The following CDYL variants were observed in gnomAD, a reference collection of about 807,000 sequenced individuals.
CDYL encodes chromodomain Y like, also known as chromodomain Y-like protein.
In CDYL, 8 loss-of-function variants were observed where a neutral mutation model predicts 47.3. That is an observed-to-expected ratio of 0.17 (90% CI 0.10 to 0.31). The LOEUF is 0.31. Ranked by LOEUF, CDYL falls within the 10% of genes least tolerant of loss-of-function variation. The pLI, the probability that CDYL is intolerant of heterozygous loss-of-function variation, is 1.00. For synonymous variants in CDYL, 266 were observed against 265.0 expected (o/e 1.00, Z -0.04); for missense variants, 471 against 701.4 (o/e 0.67, Z 3.71).
At chr6:4,800,164 A>G (rs1283136690) in intron 1 of CDYL, among the ~76,000 whole-genome samples, 4 of 152,122 alleles carry the variant, frequency 2.6e-5, no homozygotes, top group African/African-American at 9.7e-5. Context: ...AATTATTAAT[A>G]TGGTTATATT....
chr6:4,715,639 T>A, intron 1 of CDYL: 1 of 1,170,462 alleles, frequency 8.5e-7, no homozygotes, highest in Admixed American at 3.0e-5. Context: ...TGGCTCACTC[T>A]CAGATTCAAT....
intron 5 of CDYL, 49 bp downstream of exon 5, chr6:4,943,805 C>A: frequency 7.3e-7 from 1 of 1,362,670 alleles, no homozygotes; most frequent in Non-Finnish European, 1.0e-6. Context: ...TAGAAAGCTT[C>A]CTGAAGAAAT....
chr6:4,883,079 C>T (rs988835432), intron 1 of CDYL, among the ~76,000 whole-genome samples: 1 of 152,174 alleles, frequency 6.6e-6, no homozygotes, highest in Non-Finnish European at 1.5e-5. Context: ...GTCCCTCTTG[C>T]ATCTGGCCCT....
At chr6:4,864,280 A>T (rs1238079234) in intron 1 of CDYL, among the ~76,000 whole-genome samples, 1 of 152,220 alleles carries the variant, frequency 6.6e-6, no homozygotes, top group African/African-American at 2.4e-5. Context: ...GAACTCAGAA[A>T]GGCATAAGAT....
intron 1 of CDYL, among the ~76,000 whole-genome samples, chr6:4,830,098 G>A (rs985486120): frequency 6.6e-6 from 1 of 152,180 alleles, no homozygotes; most frequent in East Asian, 1.9e-4. Context: ...GCCCCTGTCT[G>A]TACATCTGAA....
intron 1 of CDYL, among the ~76,000 whole-genome samples, chr6:4,869,343 G>A (rs562149385): frequency 3.9e-5 from 6 of 152,190 alleles, no homozygotes; most frequent in East Asian, 1.9e-4. Context: ...TGATCCACTC[G>A]CCTTGGCCTC....
chr6:4,819,116 TTCTC>T (rs373718294), intron 1 of CDYL, among the ~76,000 whole-genome samples: 2,527 of 76,630 alleles, frequency 0.033, 61 homozygotes, highest in South Asian at 0.096. Flanking sequence ...TTTAGGTTCG[TTCTC>T]TCTCTCTCTC....
chr6:4,895,041 C>T (rs1762177890), intron 2 of CDYL, among the ~76,000 whole-genome samples: 1 of 148,948 alleles, frequency 6.7e-6, no homozygotes, highest in African/African-American at 2.5e-5. Flanking sequence ...ATATATGTAT[C>T]TATATACACA....
chr6:4,819,162 C>CTCTGTGTGTGTGTG (rs1016051589), intron 1 of CDYL, among the ~76,000 whole-genome samples: 2 of 111,944 alleles, frequency 1.8e-5, no homozygotes, highest in African/African-American at 9.7e-5. Context: ...CTCTCTCTCT[C>CTCTGTGTGTGTGTG]TGTGTGTGTG....
chr6:4,796,543 G>A (rs1194033949), intron 1 of CDYL, among the ~76,000 whole-genome samples: 2 of 152,006 alleles, frequency 1.3e-5, no homozygotes, highest in Non-Finnish European at 2.9e-5. Flanking sequence ...TTATAGGTTT[G>A]CCAATAAATA....
intron 1 of CDYL, among the ~76,000 whole-genome samples, chr6:4,862,568 T>A (rs928933447): frequency 6.6e-6 from 1 of 152,172 alleles, no homozygotes; most frequent in Admixed American, 6.5e-5. Context: ...TAAACAATGA[T>A]CTCAAAGCTC....
At chr6:4,878,914 T>C (rs1027569319) in intron 1 of CDYL, among the ~76,000 whole-genome samples, 11 of 152,264 alleles carry the variant, frequency 7.2e-5, no homozygotes, top group Middle Eastern at 3.4e-3. Flanking sequence ...TTTAGCTGGA[T>C]CCCACAGTAT....
intron 1 of CDYL, among the ~76,000 whole-genome samples, chr6:4,796,226 C>G (rs1179256997): frequency 1.3e-5 from 2 of 152,154 alleles, no homozygotes; most frequent in Non-Finnish European, 2.9e-5. Flanking sequence ...AGCCACTGCG[C>G]CTGGCCCACT....
At chr6:4,729,403 T>C (rs756702130) in intron 2 of CDYL, among the ~76,000 whole-genome samples, 2 of 152,124 alleles carry the variant, frequency 1.3e-5, no homozygotes, top group Non-Finnish European at 2.9e-5. Flanking sequence ...ACATCCACAT[T>C]TCTAGACCTT....
intron 2 of CDYL, among the ~76,000 whole-genome samples, chr6:4,730,312 A>G (rs1478099714): frequency 6.6e-6 from 1 of 152,194 alleles, no homozygotes; most frequent in Non-Finnish European, 1.5e-5. Context: ...CCTGCTCAGC[A>G]AGTCCATTTT....
rs1758843054 is a variant in CDYL, at chr6:4,955,510, A to G, written c.*1454A>G. On this transcript the variant is annotated 3_prime_UTR_variant, in exon 7 of 7. Coordinates refer to ENST00000397588, the MANE Select transcript of CDYL (RefSeq NM_004824.4). ...TTATAGAATAAATATTCAGCTGTGA[A>G]AACTGGTTAAATAAAACTAATATTT... 1 of 152,688 alleles carries G rather than the reference A, an allele frequency of 6.5e-6. No homozygotes were observed. The highest frequency in any genetic ancestry group is 2.1e-4 in the South Asian group (1 of 4,830). The allele number at this position is 152,688 out of a possible 1,614,324, so 9.5% of individuals were successfully genotyped here.
At chr6:4,766,870 G>A (rs981102719) in intron 3 of CDYL, among the ~76,000 whole-genome samples, 5 of 151,994 alleles carry the variant, frequency 3.3e-5, no homozygotes, top group African/African-American at 9.7e-5. Flanking sequence ...GCATGGTGGC[G>A]TTCACCGGTA....
At chr6:4,889,513 G>A (rs565917137) in intron 1 of CDYL, among the ~76,000 whole-genome samples, 7 of 152,180 alleles carry the variant, frequency 4.6e-5, no homozygotes, top group South Asian at 2.1e-4. Context: ...GTGAGCCACC[G>A]TGCCCGGCCC....
chr6:4,757,613 T>C (rs972165612), intron 3 of CDYL, among the ~76,000 whole-genome samples: 3 of 152,268 alleles, frequency 2.0e-5, no homozygotes, highest in Non-Finnish European at 2.9e-5. Context: ...AATTCAACTC[T>C]ATTAACTCTC....
Sources: gnomAD v4.1 joint callset for allele counts (sites outside exome capture counted in the v4.1 genomes callset) on GRCh38, gnomAD v4.1.1 for gene constraint, MANE v1.5 for transcripts, NCBI Gene and HGNC (gene_info 2026-07-23, HGNC 2026-07-21) for gene names.